KLRG1: variants seen among roughly 807,000 people sequenced by gnomAD.
KLRG1 encodes killer cell lectin-like receptor subfamily G member 1.
KLRG1 carries 16 observed loss-of-function variants against 21.8 expected under a neutral mutation model. The ratio of observed to expected loss-of-function variants is 0.73; its 90% CI spans 0.50 to 1.11. KLRG1 has a LOEUF of 1.11. Among genes scored for constraint, KLRG1 ranks in the 50% most tolerant of loss-of-function variants. The pLI is 0.00. For synonymous variants in KLRG1, 69 were observed against 75.9 expected, an observed-to-expected ratio of 0.91 and a Z score of 0.47; for missense variants, 173 against 218.3, an observed-to-expected ratio of 0.79 and a Z score of 1.31.
At chr12:8,993,667 T>G (rs1197937558) in intron 2 of KLRG1, among the ~76,000 whole-genome samples, 3 of 152,142 alleles carry the variant, frequency 2.0e-5, no homozygotes, top group African/African-American at 7.2e-5. Flanking sequence ...AAGGAACTCC[T>G]AGGGAAGTTG....
At chr12:8,966,362 T>A (rs902652498) in intron 1 of KLRG1, among the ~76,000 whole-genome samples, 1 of 151,960 alleles carries the variant, frequency 6.6e-6, no homozygotes, top group Non-Finnish European at 1.5e-5. Context: ...CTAAAGAGCT[T>A]CTGCACAGCA....
At chr12:9,177,175 C>T in the KLRG1 span, among the ~76,000 whole-genome samples, 19 of 152,290 alleles carry the variant, frequency 1.2e-4, no homozygotes, top group Admixed American at 9.8e-4. Flanking sequence ...AATGAGGGGA[C>T]ATGTCTTTCA....
the KLRG1 span, among the ~76,000 whole-genome samples, chr12:9,054,094 G>T: frequency 3.9e-5 from 6 of 152,190 alleles, no homozygotes; most frequent in Non-Finnish European, 8.8e-5. Flanking sequence ...AAACCCTGCT[G>T]TCTCAGTGTA....
chr12:9,098,430 T>TTA, the KLRG1 span: 8,882 of 284,912 alleles, frequency 0.031, 115 homozygotes, highest in Middle Eastern at 0.084. Flanking sequence ...AAGTGAGTAG[T>TTA]TATATATATA....
intron 3 of KLRG1, among the ~76,000 whole-genome samples, chr12:9,003,331 T>C (rs1947362181): frequency 1.3e-5 from 2 of 152,200 alleles, no homozygotes; most frequent in Non-Finnish European, 2.9e-5. Context: ...TTTCCTTTTG[T>C]TAATTTTATT....
intron 2 of KLRG1, among the ~76,000 whole-genome samples, chr12:8,993,176 C>G (rs1947028003): frequency 6.7e-6 from 1 of 149,178 alleles, no homozygotes; most frequent in Non-Finnish European, 1.5e-5. Context: ...ATCTGGTGAT[C>G]TAGAGGACTC....
chr12:9,154,392 C>T, the KLRG1 span, among the ~76,000 whole-genome samples: 4 of 152,112 alleles, frequency 2.6e-5, no homozygotes, highest in Admixed American at 2.0e-4. Context: ...TAAAGATGCT[C>T]GTTGTACGTC....
chr12:8,954,915 C>G (rs1946263403), intron 1 of KLRG1, among the ~76,000 whole-genome samples: 1 of 151,572 alleles, frequency 6.6e-6, no homozygotes, highest in African/African-American at 2.4e-5. Flanking sequence ...ATGTACAACT[C>G]TTTTTTTTCT....
the KLRG1 span, among the ~76,000 whole-genome samples, chr12:9,085,945 G>A: frequency 8.6e-4 from 131 of 152,196 alleles, 1 homozygote; most frequent in African/African-American, 3.0e-3. Context: ...ACTGAATCAT[G>A]AAGAAATAGA....
At chr12:8,960,329 C>T (rs1946362289) in intron 1 of KLRG1, among the ~76,000 whole-genome samples, 1 of 152,132 alleles carries the variant, frequency 6.6e-6, no homozygotes, top group African/African-American at 2.4e-5. Flanking sequence ...GAGAGATGCG[C>T]AAAGAGTGAG....
At chr12:9,045,563 A>G in the KLRG1 span, among the ~76,000 whole-genome samples, 1 of 152,226 alleles carries the variant, frequency 6.6e-6, no homozygotes, top group African/African-American at 2.4e-5. Flanking sequence ...TGATTTTGGA[A>G]TTAACAGGCT....
chr12:9,127,286 T>C, the KLRG1 span, among the ~76,000 whole-genome samples: 2 of 152,316 alleles, frequency 1.3e-5, no homozygotes, highest in African/African-American at 4.8e-5. Context: ...CTGAGGAATA[T>C]GGACTGTGCT....
the KLRG1 span, chr12:9,158,712 T>C: frequency 2.4e-6 from 2 of 825,504 alleles, no homozygotes; most frequent in Non-Finnish European, 3.5e-6. Context: ...TTGGAGACTT[T>C]TTCTTTTTAG....
intron 3 of KLRG1, among the ~76,000 whole-genome samples, chr12:9,003,275 G>A (rs1947360334): frequency 6.6e-6 from 1 of 151,972 alleles, no homozygotes; most frequent in African/African-American, 2.4e-5. Flanking sequence ...AAAAGAAATG[G>A]ACTGTTTTTC....
chr12:9,150,830 G>T, the KLRG1 span: 1 of 889,062 alleles, frequency 1.1e-6, no homozygotes, highest in Non-Finnish European at 1.8e-6. Context: ...ATTGTTCTTT[G>T]ACTCTTTTTC....
intron 1 of KLRG1, among the ~76,000 whole-genome samples, chr12:8,975,191 C>A (rs1186378935): frequency 6.6e-6 from 1 of 152,108 alleles, no homozygotes; most frequent in Non-Finnish European, 1.5e-5. Context: ...TGAGCCACCA[C>A]ACCCAGCCAC....
chr12:9,188,908 CT>C, the KLRG1 span, among the ~76,000 whole-genome samples: 1 of 151,990 alleles, frequency 6.6e-6, no homozygotes, highest in Admixed American at 6.6e-5. Context: ...ATATTCCATG[CT>C]CATAGATAGG....
At chr12:9,198,125 G>T in the KLRG1 span, among the ~76,000 whole-genome samples, 5 of 150,914 alleles carry the variant, frequency 3.3e-5, no homozygotes, top group African/African-American at 1.2e-4. Flanking sequence ...AGCCAAGAAG[G>T]ATTGCTTGAG....
At chr12:9,067,661 A>G in the KLRG1 span, 1 of 729,502 alleles carries the variant, frequency 1.4e-6, no homozygotes, top group East Asian at 2.8e-5. Context: ...TGGGAATCAT[A>G]TGGAAATGTA....
Sources: gnomAD v4.1 joint callset for allele counts (sites outside exome capture counted in the v4.1 genomes callset) on GRCh38, gnomAD v4.1.1 for gene constraint, MANE v1.5 for transcripts, NCBI Gene and HGNC (gene_info 2026-07-23, HGNC 2026-07-21) for gene names.